L2HGDH: variants seen among roughly 807,000 people sequenced by gnomAD.
The protein encoded by L2HGDH is L-2-hydroxyglutarate dehydrogenase, also known as L-2-hydroxyglutarate dehydrogenase, mitochondrial.
L2HGDH carries 34 observed loss-of-function variants against 51.5 expected under a neutral mutation model. The ratio of observed to expected loss-of-function variants is 0.66; its 90% CI spans 0.50 to 0.88. L2HGDH has a LOEUF of 0.88. Among genes scored for constraint, L2HGDH ranks in the 40% least tolerant of loss-of-function variants. L2HGDH has a pLI of 0.00. For missense variants in L2HGDH, 558 were observed against 571.9 expected (o/e 0.98, Z 0.25); for synonymous variants, 198 against 197.9 (o/e 1.00, Z -0.01).
At chr14:50,283,762 GT>G (rs1015467709) in intron 5 of L2HGDH, 108 bp downstream of exon 5, 8 of 889,150 alleles carry the variant, frequency 9.0e-6, no homozygotes, top group African/African-American at 3.4e-5. Flanking sequence ...ATTTTTTATT[GT>G]TTTTTTTCCC....
chr14:50,294,582 A>G (rs543662659), intron 3 of L2HGDH, among the ~76,000 whole-genome samples: 10 of 152,354 alleles, frequency 6.6e-5, no homozygotes, highest in South Asian at 2.1e-4. Context: ...GGAGAGAAGC[A>G]TAAGTTGCTT....
chr14:50,278,540 T>A lies in L2HGDH; in HGVS notation c.718A>T (p.Ile240Phe). 2.0e-6 allele frequency: 3 copies of A among 1,484,496 alleles called. No individual in the cohort carries two copies. The highest frequency in any genetic ancestry group is 2.8e-6 in the Non-Finnish European group (3 of 1,070,752). The allele number at this position is 1,484,496 out of a possible 1,614,324, so 92.0% of individuals were successfully genotyped here. ...SRSIDGMQYPIVIKNTKGEEI... is the reference protein window; with the variant it reads ...SRSIDGMQYPFVIKNTKGEEI... ...TTTACCTTTGTATTCTTTATAACAA[T>A]TGGATATTGCATTCCTGAAAAAAAA... Residue 240 changes from isoleucine to phenylalanine, a missense_variant, in exon 6 of 10, where the codon ATT (isoleucine) becomes TTT (phenylalanine). Physicochemically the swap from Ile to Phe is conservative, Grantham distance 21 (BLOSUM62 0). Coordinates refer to ENST00000267436, the MANE Select transcript of L2HGDH (RefSeq NM_024884.3).
intron 1 of L2HGDH, among the ~76,000 whole-genome samples, chr14:50,309,490 A>T (rs1053210146): frequency 1.3e-5 from 2 of 151,938 alleles, no homozygotes; most frequent in African/African-American, 4.8e-5. Flanking sequence ...TCAACCTAGG[A>T]GACAGAGGTT....
intron 9 of L2HGDH, among the ~76,000 whole-genome samples, chr14:50,248,089 T>C (rs1020324556): frequency 1.3e-5 from 2 of 152,180 alleles, no homozygotes; most frequent in Non-Finnish European, 2.9e-5. Context: ...TGTGAACAAC[T>C]GTAAAGACAC....
At chr14:50,281,340 C>T (rs1468383413) in intron 5 of L2HGDH, among the ~76,000 whole-genome samples, 1 of 152,174 alleles carries the variant, frequency 6.6e-6, no homozygotes, top group Non-Finnish European at 1.5e-5. Context: ...CTCCTGTAAT[C>T]CCAGCACTTT....
At chr14:50,260,765 G>A (rs10873033) in intron 9 of L2HGDH, among the ~76,000 whole-genome samples, 76,002 of 151,926 alleles carry the variant, frequency 0.5, 19,718 homozygotes, top group East Asian at 0.66. Flanking sequence ...TGGCAATGTC[G>A]ACATATTTTT....
chr14:50,269,829 A>C (rs1468542318), intron 6 of L2HGDH, among the ~76,000 whole-genome samples: 2 of 152,210 alleles, frequency 1.3e-5, no homozygotes, highest in African/African-American at 4.8e-5. Flanking sequence ...AATATCAAGA[A>C]AGACAAAACT....
chr14:50,264,784 C>T (rs1889241542), intron 9 of L2HGDH, among the ~76,000 whole-genome samples: 1 of 152,108 alleles, frequency 6.6e-6, no homozygotes, highest in Admixed American at 6.5e-5. Context: ...GGGTACTGGG[C>T]TTAATATGTG....
chr14:50,290,356 G>T (rs1253283709), intron 4 of L2HGDH, among the ~76,000 whole-genome samples: 1 of 152,130 alleles, frequency 6.6e-6, no homozygotes, highest in Non-Finnish European at 1.5e-5. Flanking sequence ...ACAATAAGTG[G>T]CTTTGGTTCT....
chr14:50,270,605 C>T lies in L2HGDH; in HGVS notation c.739-1275G>A, dbSNP rs527251469. On this transcript the variant is annotated intron_variant, in intron 6 of 9. Coordinates refer to ENST00000267436, the MANE Select transcript of L2HGDH (RefSeq NM_024884.3). ...CACTGCAAGCTCCACCTCTTGGGTT[C>T]ACGCCATTCTCCTGCCTCAGCCTTC... is the stretch of plus-strand genomic sequence containing the variant. Among the ~76,000 whole-genome samples the T allele has an allele frequency of 6.6e-5, 10 of 152,158 alleles. No individual in the cohort carries two copies. The South Asian group carries it at 1.7e-3, about 25-fold the overall frequency.
At chr14:50,310,667 G>A (rs1343698473) in intron 1 of L2HGDH, among the ~76,000 whole-genome samples, 1 of 152,060 alleles carries the variant, frequency 6.6e-6, no homozygotes, top group Non-Finnish European at 1.5e-5. Context: ...TTGTGCCACT[G>A]CACTCCAGCC....
intron 7 of L2HGDH, 109 bp downstream of exon 7, chr14:50,269,054 G>T: frequency 2.5e-4 from 163 of 651,672 alleles, no homozygotes; most frequent in Middle Eastern, 4.5e-4. Context: ...TTACAAAAAC[G>T]GTCCTTCAAA....
intron 1 of L2HGDH, among the ~76,000 whole-genome samples, chr14:50,307,370 T>C (rs957015989): frequency 5.9e-5 from 9 of 152,310 alleles, no homozygotes; most frequent in South Asian, 2.1e-4. Context: ...CACAAAATCA[T>C]TGAAATATGT....
At chr14:50,298,558 C>A (rs2030216430) in intron 3 of L2HGDH, among the ~76,000 whole-genome samples, 1 of 152,034 alleles carries the variant, frequency 6.6e-6, no homozygotes, top group South Asian at 2.1e-4. Context: ...CAGGTGATCC[C>A]CCGCCTCAGC....
rs1887947955 is a variant in L2HGDH, at chr14:50,245,315, G to C, written c.*1743C>G. 1.0e-6 allele frequency: 1 copy of C among 985,100 alleles called. No homozygotes were observed. Among genetic ancestry groups the C allele is most frequent in the Non-Finnish European group, 1.2e-6 (1 of 829,704 alleles). The allele number at this position is 985,100 out of a possible 1,614,324, so 61.0% of individuals were successfully genotyped here. Reference sequence around the variant, plus strand: ...ATTGGAGTTCTATACATCAGTGTCAGGATTCTAAAACTGCTCTCATAAAAA... The same window carrying C: ...ATTGGAGTTCTATACATCAGTGTCACGATTCTAAAACTGCTCTCATAAAAA... On this transcript the variant is annotated 3_prime_UTR_variant, in exon 10 of 10. Coordinates refer to ENST00000267436, the MANE Select transcript of L2HGDH (RefSeq NM_024884.3).
chr14:50,308,153 G>T (rs2030838782), intron 1 of L2HGDH, among the ~76,000 whole-genome samples: 1 of 152,210 alleles, frequency 6.6e-6, no homozygotes, highest in South Asian at 2.1e-4. Context: ...CACTTTGGGA[G>T]GCCAAGGCGG....
At chr14:50,309,883 T>C (rs747150478) in intron 1 of L2HGDH, among the ~76,000 whole-genome samples, 11 of 152,056 alleles carry the variant, frequency 7.2e-5, no homozygotes, top group Non-Finnish European at 1.2e-4. Context: ...GCAGGGGTTT[T>C]GCCGTCTCCC....
At position 50,243,077 on chromosome 14, in the gene L2HGDH, T is replaced by C. The variant is rs537832160; in HGVS notation, c.*3981A>G. ...TAAGGTTATCCCACAGGCTACTAGG[T>C]AGATTTCCAAATGGCCTCAGGGAAA... On this transcript the variant is annotated 3_prime_UTR_variant, in exon 10 of 10. Coordinates refer to ENST00000267436, the MANE Select transcript of L2HGDH (RefSeq NM_024884.3). 179 of 985,438 alleles carry C rather than the reference T, an allele frequency of 1.8e-4. 1 individual carries two copies. In the South Asian group the frequency reaches 7.3e-3, roughly 40 times the overall value. The allele number at this position is 985,438 out of a possible 1,614,324, so 61.0% of individuals were successfully genotyped here.
chr14:50,292,989 C>T (rs566596224), intron 4 of L2HGDH, among the ~76,000 whole-genome samples: 59 of 152,122 alleles, frequency 3.9e-4, no homozygotes, highest in South Asian at 1.5e-3. Context: ...CCCAGGAGTT[C>T]GAGACCAGCC....
Sources: allele counts gnomAD v4.1 joint callset (sites outside exome capture counted in the v4.1 genomes callset), GRCh38; gene constraint gnomAD v4.1.1; transcripts MANE v1.5; gene names NCBI Gene and HGNC (gene_info 2026-07-23, HGNC 2026-07-21).